NCAM1: variants seen among roughly 807,000 people sequenced by gnomAD.
NCAM1 encodes antigen recognized by monoclonal antibody 5.1H11.
NCAM1 carries 14 observed loss-of-function variants against 109.8 expected under a neutral mutation model. That is an observed-to-expected ratio of 0.13 (90% CI 0.08 to 0.20). The LOEUF is 0.20. NCAM1 is among the 10% of genes least tolerant of loss of function. The pLI is 1.00. For missense variants in NCAM1, 774 were observed against 1,109.9 expected (o/e 0.70, Z 4.30); for synonymous variants, 418 against 442.9 (o/e 0.94, Z 0.70).
chr11:113,255,901 A>T lies in NCAM1; in HGVS notation c.1853A>T (p.Glu618Val). The T allele has an allele frequency of 6.2e-7, 1 of 1,612,626 alleles. No individual in the cohort carries two copies. Among genetic ancestry groups the T allele is most frequent in the Non-Finnish European group, 8.5e-7 (1 of 1,179,494 alleles). Residue 618 changes from glutamate (E) to valine (V), a missense_variant, in exon 16 of 20, where the codon GAA becomes GTA. By Grantham distance (121) the Glu-to-Val change is moderately radical (BLOSUM62 -2). Coordinates refer to ENST00000316851, the MANE Select transcript of NCAM1 (RefSeq NM_181351.5). Reference protein sequence around the residue: ...VQGEPSAPKLEGQMGEDGNSI... With the variant: ...VQGEPSAPKLVGQMGEDGNSI... ...GGGGAACCCAGTGCACCTAAGCTCG[A>T]AGGGCAGATGGGAGAGGATGGAAAC...
chr11:113,192,169 G>A (rs1215945322), intron 1 of NCAM1, among the ~76,000 whole-genome samples: 1 of 152,202 alleles, frequency 6.6e-6, no homozygotes, highest in African/African-American at 2.4e-5. Context: ...GAGTCATTTT[G>A]TCAAGGTTTC....
At chr11:113,006,420 G>A (rs1182879964) in intron 1 of NCAM1, among the ~76,000 whole-genome samples, 2 of 152,046 alleles carry the variant, frequency 1.3e-5, no homozygotes, top group African/African-American at 2.4e-5. Context: ...TCACTGTCTT[G>A]GACATTTGCA....
intron 1 of NCAM1, among the ~76,000 whole-genome samples, chr11:112,979,431 A>C (rs1288988805): frequency 6.6e-6 from 1 of 151,824 alleles, no homozygotes; most frequent in African/African-American, 2.4e-5. Flanking sequence ...GGCAGCCTCC[A>C]TTCAACAAAA....
intron 17 of NCAM1, among the ~76,000 whole-genome samples, chr11:113,266,727 T>A (rs1031338349): frequency 2.0e-5 from 3 of 152,166 alleles, no homozygotes; most frequent in Non-Finnish European, 2.9e-5. Flanking sequence ...TTAAAGGTAT[T>A]TGTCATGCAA....
intron 1 of NCAM1, among the ~76,000 whole-genome samples, chr11:113,014,767 A>G (rs557344516): frequency 6.6e-6 from 1 of 152,350 alleles, no homozygotes; most frequent in East Asian, 1.9e-4. Context: ...ACAGAAATAC[A>G]TTCAGGCTAG....
chr11:113,028,911 C>T (rs1892981), intron 1 of NCAM1, among the ~76,000 whole-genome samples: 68,596 of 151,966 alleles, frequency 0.45, 16,366 homozygotes, highest in East Asian at 0.8. Flanking sequence ...GAAAATAATA[C>T]CTCTTAAGTA....
At chr11:113,219,026 G>C (rs1047250605) in intron 8 of NCAM1, among the ~76,000 whole-genome samples, 1 of 152,100 alleles carries the variant, frequency 6.6e-6, no homozygotes, top group African/African-American at 2.4e-5. Flanking sequence ...GATGATTTAC[G>C]TACTCTATCC....
At chr11:112,965,308 G>A (rs1309345751) in intron 1 of NCAM1, among the ~76,000 whole-genome samples, 1 of 152,126 alleles carries the variant, frequency 6.6e-6, no homozygotes, top group Non-Finnish European at 1.5e-5. Context: ...TGTAAGGGAT[G>A]TGGGTGTTTA....
At chr11:113,208,401 C>T (rs933030431) in intron 7 of NCAM1, among the ~76,000 whole-genome samples, 4 of 152,136 alleles carry the variant, frequency 2.6e-5, no homozygotes, top group Non-Finnish European at 5.9e-5. Context: ...ATCTTTCTTT[C>T]GCTTTGCTGC....
chr11:113,231,717 A>T lies in NCAM1; in HGVS notation c.1162A>T (p.Thr388Ser). The change falls in exon 10 of 20, where the codon ACT becomes TCT. Residue 388 changes from threonine to serine, a missense_variant. Physicochemically the swap from Thr to Ser is moderately conservative, Grantham distance 58. Transcript: ENST00000316851. ...GCTGACCCTGAAGAGCATCCAGTAC[A>T]CTGATGCCGGAGAGTACATCTGCAC... ...SSLTLKSIQY[T>S]DAGEYICTAS... is the part of the protein sequence containing the mutation. 1 of 1,613,694 alleles carries T rather than the reference A, an allele frequency of 6.2e-7. No homozygotes were observed. Among genetic ancestry groups the T allele is most frequent in the African/African-American group, 1.3e-5 (1 of 74,934 alleles).
chr11:113,009,004 G>A (rs1296284044), intron 1 of NCAM1, among the ~76,000 whole-genome samples: 2 of 152,182 alleles, frequency 1.3e-5, no homozygotes, highest in African/African-American at 4.8e-5. Context: ...GGGGGCCTCA[G>A]GGGTGTCACA....
chr11:113,154,636 A>G (rs1231565172), intron 1 of NCAM1, among the ~76,000 whole-genome samples: 1 of 152,162 alleles, frequency 6.6e-6, no homozygotes, highest in Non-Finnish European at 1.5e-5. Context: ...ATAGCTACAC[A>G]CACCCGCCAC....
At chr11:113,237,944 A>G (rs1945221781) in intron 14 of NCAM1, among the ~76,000 whole-genome samples, 1 of 131,696 alleles carries the variant, frequency 7.6e-6, no homozygotes, top group Non-Finnish European at 1.6e-5. Flanking sequence ...ATAGATATAT[A>G]TATAGATATA....
intron 1 of NCAM1, among the ~76,000 whole-genome samples, chr11:113,047,749 C>T (rs1419194996): frequency 1.3e-5 from 2 of 152,152 alleles, no homozygotes; most frequent in African/African-American, 4.8e-5. Context: ...CAAACAGGTC[C>T]TTCTTCACAT....
rs1367236283 is a variant in NCAM1 at position 113,231,290 on chromosome 11, T to TG, written c.1090-354dup. The stretch of plus-strand genomic sequence containing the variant: ...TCTCATGAGGTAGGGCTGCTGCTGC[T>TG]GCTGCTGCAATATCTGCTGGCCGGA... On this transcript the variant is annotated intron_variant, in intron 9 of 19. Coordinates refer to ENST00000316851, the MANE Select transcript of NCAM1 (RefSeq NM_181351.5). 4 of 1,535,904 alleles carry TG rather than the reference T, an allele frequency of 2.6e-6. 1 individual carries two copies. In the South Asian group the frequency reaches 3.6e-5, roughly 14 times the overall value.
intron 16 of NCAM1, among the ~76,000 whole-genome samples, chr11:113,258,787 A>G (rs1945898394): frequency 6.6e-6 from 1 of 152,230 alleles, no homozygotes; most frequent in Admixed American, 6.5e-5. Flanking sequence ...GTATCAATTA[A>G]AACTGTTATT....
At chr11:113,153,449 A>T (rs112314369) in intron 1 of NCAM1, among the ~76,000 whole-genome samples, 1,384 of 131,644 alleles carry the variant, frequency 0.011, 8 homozygotes, top group Non-Finnish European at 0.016. Flanking sequence ...ACAGAGACAG[A>T]GAGTGAGAGA....
At chr11:113,125,750 T>C (rs532739107) in intron 1 of NCAM1, among the ~76,000 whole-genome samples, 3 of 152,314 alleles carry the variant, frequency 2.0e-5, no homozygotes, top group Admixed American at 1.3e-4. Context: ...ATTGATTAAG[T>C]TCATCATCTG....
intron 9 of NCAM1, among the ~76,000 whole-genome samples, chr11:113,224,120 G>A (rs947610585): frequency 2.6e-5 from 4 of 152,238 alleles, no homozygotes; most frequent in Non-Finnish European, 4.4e-5. Flanking sequence ...AGCGTGAGCC[G>A]AAGCAGGGCG....
Sources: gnomAD v4.1 joint callset for allele counts (sites outside exome capture counted in the v4.1 genomes callset) on GRCh38, gnomAD v4.1.1 for gene constraint, MANE v1.5 for transcripts, NCBI Gene and HGNC (gene_info 2026-07-23, HGNC 2026-07-21) for gene names.